Variants in MYO5B observed in about 807,000 individuals in gnomAD.
MYO5B encodes myosin VB, also known as unconventional myosin-Vb.
Under a neutral mutation model 229.3 loss-of-function variants are expected in MYO5B, and 143 were observed. The observed-to-expected ratio is 0.62, with a 90% CI of 0.54 to 0.72. MYO5B has a LOEUF of 0.72. MYO5B is among the 30% of genes least tolerant of loss of function. MYO5B has a pLI of 0.00. For synonymous variants in MYO5B, 918 were observed against 885.2 expected, an observed-to-expected ratio of 1.04 and a Z score of -0.66; for missense variants, 2,321 against 2,331.0, an observed-to-expected ratio of 1.00 and a Z score of 0.09.
At chr18:50,148,300 T>C (rs1280199743) in intron 1 of MYO5B, among the ~76,000 whole-genome samples, 1 of 150,010 alleles carries the variant, frequency 6.7e-6, no homozygotes, top group African/African-American at 2.5e-5. Flanking sequence ...TTCCAATCAA[T>C]AGAAAAAGAG....
chr18:49,912,078 A>G lies in MYO5B; in HGVS notation c.2186T>C (p.Leu729Pro), dbSNP rs776557234. 6.2e-7 allele frequency: 1 copy of G among 1,614,072 alleles called. No homozygotes were observed. Among genetic ancestry groups the G allele is most frequent in the Non-Finnish European group, 8.5e-7 (1 of 1,179,968 alleles). ...GTGGCTCACCTTGATGAGGTTCTCC[A>G]GGACAGACCTGCAGATGGCCTTTTT... is the stretch of plus-strand genomic sequence containing the variant. ...TDKKAICRSV[L>P]ENLIKDPDKF... Residue 729 changes from leucine to proline, a missense_variant, in exon 18 of 40, where the codon CTG (leucine) becomes CCG (proline). Transcript: ENST00000285039.
At chr18:49,847,541 C>G (rs763951459) in intron 32 of MYO5B, among the ~76,000 whole-genome samples, 5 of 152,234 alleles carry the variant, frequency 3.3e-5, no homozygotes, top group African/African-American at 4.8e-5. Flanking sequence ...GGGGTCCACA[C>G]TCTGGATAGG....
At chr18:49,990,985 G>T (rs2025925463) in intron 6 of MYO5B, among the ~76,000 whole-genome samples, 1 of 146,496 alleles carries the variant, frequency 6.8e-6, no homozygotes, top group African/African-American at 2.5e-5. Flanking sequence ...AGTGAGGCAG[G>T]ATGTCTGGGG....
At chr18:49,861,774 G>C (rs939313254) in intron 29 of MYO5B, among the ~76,000 whole-genome samples, 1 of 152,162 alleles carries the variant, frequency 6.6e-6, no homozygotes, top group Non-Finnish European at 1.5e-5. Flanking sequence ...CTTCTCTGCA[G>C]AAAGAGGGAC....
At chr18:50,151,668 A>G (rs922837340) in intron 1 of MYO5B, among the ~76,000 whole-genome samples, 1 of 152,210 alleles carries the variant, frequency 6.6e-6, no homozygotes, top group Admixed American at 6.5e-5. Flanking sequence ...ATATATATAC[A>G]CTAGTTTCCC....
At chr18:49,939,152 T>TTC (rs1555645353) in intron 14 of MYO5B, among the ~76,000 whole-genome samples, 2 of 147,502 alleles carry the variant, frequency 1.4e-5, no homozygotes, top group Non-Finnish European at 3.0e-5. Context: ...TTTTTTCTTT[T>TTC]TTTTTTTTTT....
chr18:50,112,933 A>C (rs964039640), intron 1 of MYO5B, among the ~76,000 whole-genome samples: 3 of 152,214 alleles, frequency 2.0e-5, no homozygotes, highest in Non-Finnish European at 4.4e-5. Flanking sequence ...TTAAATCACA[A>C]ACACACAATC....
intron 22 of MYO5B, among the ~76,000 whole-genome samples, chr18:49,881,158 C>T (rs966675314): frequency 9.2e-5 from 14 of 152,214 alleles, no homozygotes; most frequent in African/African-American, 3.4e-4. Flanking sequence ...CCCTTTTGTT[C>T]AGTCCAACAG....
At chr18:49,870,106 T>A (rs1365004939) in intron 27 of MYO5B, among the ~76,000 whole-genome samples, 7 of 152,148 alleles carry the variant, frequency 4.6e-5, no homozygotes, top group Non-Finnish European at 1.0e-4. Context: ...TTTTGAATCT[T>A]TAGAATATCA....
intron 17 of MYO5B, among the ~76,000 whole-genome samples, 160 bp from the exon 18 acceptor site, chr18:49,912,333 G>A (rs1236511914): frequency 6.6e-6 from 1 of 152,132 alleles, no homozygotes; most frequent in East Asian, 1.9e-4. Flanking sequence ...GTCCTCCCCA[G>A]TGCCCTCCAA....
At chr18:49,864,860 G>T (rs940443379) in intron 27 of MYO5B, among the ~76,000 whole-genome samples, 1 of 152,098 alleles carries the variant, frequency 6.6e-6, no homozygotes. Context: ...TTTTGTCCCG[G>T]ACTAATTAGA....
chr18:50,156,295 C>T (rs746273045), intron 1 of MYO5B, among the ~76,000 whole-genome samples: 13 of 152,324 alleles, frequency 8.5e-5, no homozygotes, highest in Non-Finnish European at 1.3e-4. Flanking sequence ...TATGGTTTGG[C>T]TGTGTCCCCA....
chr18:50,104,396 GTC>G (rs2031717820), intron 1 of MYO5B, among the ~76,000 whole-genome samples: 1 of 151,514 alleles, frequency 6.6e-6, no homozygotes, highest in Admixed American at 6.6e-5. Context: ...CTTAGTTTAT[GTC>G]TCTACTGTGA....
chr18:50,097,225 T>A (rs775382410), intron 1 of MYO5B: 1 of 456,558 alleles, frequency 2.2e-6, no homozygotes, highest in African/African-American at 2.0e-5. Flanking sequence ...CACCTCCGCA[T>A]CCCTAGAATT....
intron 14 of MYO5B, among the ~76,000 whole-genome samples, chr18:49,947,818 A>G (rs1425346687): frequency 6.6e-6 from 1 of 152,238 alleles, no homozygotes; most frequent in Non-Finnish European, 1.5e-5. Flanking sequence ...TATAGCTTTT[A>G]AAAGCCTGGG....
chr18:50,112,930 A>G (rs1446921650), intron 1 of MYO5B, among the ~76,000 whole-genome samples: 1 of 152,250 alleles, frequency 6.6e-6, no homozygotes, highest in Non-Finnish European at 1.5e-5. Flanking sequence ...TCATTAAATC[A>G]CAAACACACA....
intron 21 of MYO5B, among the ~76,000 whole-genome samples, chr18:49,896,366 C>T (rs377539307): frequency 5.3e-5 from 8 of 152,310 alleles, no homozygotes; most frequent in African/African-American, 1.7e-4. Context: ...TAAGGCATCA[C>T]AAAGAAGAAA....
chr18:49,957,989 CT>C (rs1337396656), intron 12 of MYO5B, among the ~76,000 whole-genome samples: 3 of 152,192 alleles, frequency 2.0e-5, no homozygotes, highest in African/African-American at 7.2e-5. Flanking sequence ...CTCCTTCCTC[CT>C]CACCTGCCAG....
At position 49,906,512 on chromosome 18, in the gene MYO5B, G is replaced by T. The variant is rs760287743; in HGVS notation, c.2321C>A (p.Thr774Asn). 5.0e-6 allele frequency: 8 copies of T among 1,614,168 alleles called. No individual in the cohort carries two copies. Among genetic ancestry groups the T allele is most frequent in the Non-Finnish European group, 6.8e-6 (8 of 1,180,034 alleles). The change falls in exon 19 of 40, where the codon ACT becomes AAT. Residue 774 changes from threonine (T) to asparagine (N), a missense_variant. By Grantham distance (65) the Thr-to-Asn change is moderately conservative. Around this residue, in one of 2 missense-constraint regions of MYO5B, gnomAD observed 2,113 missense variants for 2,044.7 expected, o/e 1.03. Transcript: ENST00000285039. Reference protein sequence around the residue: ...FRTATIMIQKTVRGWLQKVKY... With the variant: ...FRTATIMIQKNVRGWLQKVKY... ...CACCTTCTGCAGCCATCCCCGGACA[G>T]TTTTCTGGATCATGATGGTGGCTGT...
Sources: gnomAD v4.1 joint callset for allele counts (sites outside exome capture counted in the v4.1 genomes callset) on GRCh38, gnomAD v4.1.1 for gene constraint, gnomAD v4.1.1 regional missense constraint, MANE v1.5 for transcripts, NCBI Gene and HGNC (gene_info 2026-07-23, HGNC 2026-07-21) for gene names.